The following PPFIBP2 variants were observed in gnomAD, a reference collection of about 807,000 sequenced individuals.
PPFIBP2 encodes the protein liprin-beta-2.
PPFIBP2 carries 118 observed loss-of-function variants against 118.3 expected under a neutral mutation model. The ratio of observed to expected loss-of-function variants is 1.00; its 90% CI spans 0.86 to 1.16. PPFIBP2 has a LOEUF of 1.16. Ranked by LOEUF, PPFIBP2 falls within the 50% of genes most tolerant of loss-of-function variation. The pLI is 0.00. For synonymous variants in PPFIBP2, 414 were observed against 397.4 expected (o/e 1.04, Z -0.50); for missense variants, 1,195 against 1,073.1 (o/e 1.11, Z -1.59).
intron 3 of PPFIBP2, among the ~76,000 whole-genome samples, chr11:7,568,598 C>A (rs1183978366): frequency 6.6e-6 from 1 of 152,184 alleles, no homozygotes; most frequent in Non-Finnish European, 1.5e-5. Context: ...GGCACTTCCA[C>A]CTGCCATAGA....
the PPFIBP2 span, among the ~76,000 whole-genome samples, chr11:7,664,234 A>G: frequency 0.23 from 35,705 of 152,038 alleles, 4,277 homozygotes; most frequent in Middle Eastern, 0.3. Flanking sequence ...CATGGAAGAG[A>G]TGACACTTGA....
intron 15 of PPFIBP2, chr11:7,640,972 G>A (rs1229709190): frequency 2.5e-6 from 3 of 1,190,802 alleles, no homozygotes; most frequent in Admixed American, 4.6e-5. Context: ...AACTCTGTTG[G>A]GCTGGACTTT....
chr11:7,561,447 T>C (rs988161106), intron 2 of PPFIBP2, among the ~76,000 whole-genome samples: 5 of 152,254 alleles, frequency 3.3e-5, no homozygotes, highest in Non-Finnish European at 5.9e-5. Context: ...TAGTCAGGTT[T>C]ATTGTTCTTT....
At chr11:7,583,192 C>G (rs1246301379) in intron 3 of PPFIBP2, among the ~76,000 whole-genome samples, 1 of 152,130 alleles carries the variant, frequency 6.6e-6, no homozygotes, top group Non-Finnish European at 1.5e-5. Flanking sequence ...CCTCTAGTTC[C>G]CAGGCAATCT....
chr11:7,667,001 A>C, the PPFIBP2 span: 1 of 152,806 alleles, frequency 6.5e-6, no homozygotes, highest in Admixed American at 6.5e-5. Context: ...TATGTGAAGG[A>C]GAGGAAAACA....
intron 5 of PPFIBP2, chr11:7,597,969 G>A (rs1860692610): frequency 3.3e-6 from 1 of 305,126 alleles, no homozygotes; most frequent in African/African-American, 2.1e-5. Flanking sequence ...GCGCTCGGCT[G>A]GGGGCCTCAC....
At chr11:7,634,579 A>G in intron 13 of PPFIBP2, 27 bp downstream of exon 13, 1 of 1,592,812 alleles carries the variant, frequency 6.3e-7, no homozygotes, top group South Asian at 1.1e-5. Context: ...ATCCTTAAAG[A>G]TGACTGAGTT....
At position 7,620,811 on chromosome 11, in the gene PPFIBP2, T is replaced by G. The variant is rs537919992; in HGVS notation, c.619-124T>G. ...CTGAAACAAGGGACGTGTTTAAAGA[T>G]TAAAGCTGTTATGTGGAGCTTGATG... is the stretch of plus-strand genomic sequence containing the variant. On this transcript the variant is annotated intron_variant, in intron 6 of 23. Transcript: ENST00000299492. 23 of 713,934 alleles carry G rather than the reference T, an allele frequency of 3.2e-5. No individual in the cohort carries two copies. In the African/African-American group the frequency reaches 3.7e-4, roughly 11 times the overall value. The allele number at this position is 713,934 out of a possible 1,614,324, so 44.2% of individuals were successfully genotyped here.
intron 6 of PPFIBP2, among the ~76,000 whole-genome samples, chr11:7,610,859 A>T (rs563455399): frequency 6.6e-6 from 1 of 152,292 alleles, no homozygotes; most frequent in South Asian, 2.1e-4. Flanking sequence ...ACCTCGGGTG[A>T]TGTGTTTCTC....
At chr11:7,646,803 A>T (rs1853140151) in intron 17 of PPFIBP2, among the ~76,000 whole-genome samples, 1 of 152,230 alleles carries the variant, frequency 6.6e-6, no homozygotes, top group South Asian at 2.1e-4. Context: ...TGTCTCAAAA[A>T]AGAATCAAAC....
At chr11:7,648,622 C>A in intron 18 of PPFIBP2, 85 bp downstream of exon 18, 1 of 1,550,250 alleles carries the variant, frequency 6.5e-7, no homozygotes, top group Admixed American at 1.7e-5. Flanking sequence ...GTCACACATA[C>A]ACACAGGAGG....
At chr11:7,607,701 C>T (rs953788887) in intron 5 of PPFIBP2, among the ~76,000 whole-genome samples, 4 of 151,676 alleles carry the variant, frequency 2.6e-5, no homozygotes, top group Non-Finnish European at 5.9e-5. Context: ...TCTTGTGGAC[C>T]TTGACCTGTG....
chr11:7,645,065 T>G (rs1233932290), intron 17 of PPFIBP2, among the ~76,000 whole-genome samples: 2 of 144,082 alleles, frequency 1.4e-5, no homozygotes, highest in African/African-American at 2.6e-5. Flanking sequence ...AAAAAGGTAT[T>G]TTAAACACAA....
intron 1 of PPFIBP2, among the ~76,000 whole-genome samples, chr11:7,542,851 T>C (rs1851935549): frequency 6.6e-6 from 1 of 152,248 alleles, no homozygotes; most frequent in Non-Finnish European, 1.5e-5. Context: ...AATTAAATGT[T>C]TAGGTTCAGC....
At position 7,616,189 on chromosome 11, in the gene PPFIBP2, A is replaced by G. The variant is rs964689398; in HGVS notation, c.619-4746A>G. Among the ~76,000 whole-genome samples the G allele has an allele frequency of 1.3e-5, 2 of 152,174 alleles. No individual in the cohort carries two copies. The highest frequency in any genetic ancestry group is 4.8e-5 in the African/African-American group (2 of 41,452). On this transcript the variant is annotated intron_variant, in intron 6 of 23. Transcript: ENST00000299492. This position sits in a 1 kb window ranked among gnomAD's most constrained non-coding sequence, Gnocchi z 5.2. The stretch of plus-strand genomic sequence containing the variant: ...ACACACAGTTATGTTCTTAAAAAGA[A>G]AAAATGGACTTGATTCCATGGATGC...
At chr11:7,634,616 G>A in intron 13 of PPFIBP2, 64 bp downstream of exon 13, 1 of 1,269,840 alleles carries the variant, frequency 7.9e-7, no homozygotes, top group East Asian at 2.3e-5. Context: ...CATAGTACTG[G>A]GATATACAGG....
intron 2 of PPFIBP2, among the ~76,000 whole-genome samples, chr11:7,562,957 A>T (rs1483097649): frequency 8.9e-4 from 58 of 64,846 alleles, no homozygotes; most frequent in African/African-American, 3.5e-3. Context: ...ATATATATAT[A>T]TATATATATA....
intron 1 of PPFIBP2, among the ~76,000 whole-genome samples, chr11:7,523,149 T>G (rs769662349): frequency 6.6e-6 from 1 of 152,154 alleles, no homozygotes; most frequent in Admixed American, 6.5e-5. Context: ...GGATCTTATC[T>G]GGAATCTGCA....
chr11:7,560,199 T>G (rs143417494), intron 2 of PPFIBP2, among the ~76,000 whole-genome samples: 2 of 152,354 alleles, frequency 1.3e-5, no homozygotes, highest in East Asian at 1.9e-4. Context: ...TTTACTCACT[T>G]AATTTCCTGC....
Sources: allele counts gnomAD v4.1 joint callset (sites outside exome capture counted in the v4.1 genomes callset), GRCh38; gene constraint gnomAD v4.1.1; non-coding constraint Gnocchi (gnomAD v3.1); transcripts MANE v1.5; gene names NCBI Gene and HGNC (gene_info 2026-07-23, HGNC 2026-07-21).